The following TDRD7 variants were observed in gnomAD, a reference collection of about 807,000 sequenced individuals.
TDRD7 encodes tudor domain containing 7.
TDRD7 carries 47 observed loss-of-function variants against 109.8 expected under a neutral mutation model. That is an observed-to-expected ratio of 0.43 (90% confidence interval 0.34 to 0.55). TDRD7 has a LOEUF of 0.55. Among genes scored for constraint, TDRD7 ranks in the 20% least tolerant of loss-of-function variants. The pLI is 0.03. For synonymous variants in TDRD7, 424 were observed against 457.3 expected (o/e 0.93, Z 0.93); for missense variants, 1,164 against 1,319.2 (o/e 0.88, Z 1.82).
At chr9:97,423,112 A>G (rs1426833618) in intron 1 of TDRD7, among the ~76,000 whole-genome samples, 1 of 152,204 alleles carries the variant, frequency 6.6e-6, no homozygotes, top group African/African-American at 2.4e-5. Context: ...TGATTCTTCT[A>G]TAAATGTTTG....
chr9:97,435,655 T>G (rs1301514078), intron 4 of TDRD7, among the ~76,000 whole-genome samples: 1 of 151,870 alleles, frequency 6.6e-6, no homozygotes, highest in African/African-American at 2.4e-5. Context: ...GCTACATATT[T>G]TAATTAAAGA....
chr9:97,488,012 G>C (rs1305555061), intron 16 of TDRD7, among the ~76,000 whole-genome samples: 1 of 152,156 alleles, frequency 6.6e-6, no homozygotes, highest in Non-Finnish European at 1.5e-5. Flanking sequence ...ATTCACATCA[G>C]CCTCTTGATT....
At chr9:97,441,920 C>G (rs17332899) in intron 6 of TDRD7, 45 bp downstream of exon 6, 43,842 of 1,512,790 alleles carry the variant, frequency 0.029, 769 homozygotes, top group South Asian at 0.038. Flanking sequence ...CCTCCCTGCC[C>G]AACTTTGAGA....
intron 15 of TDRD7, among the ~76,000 whole-genome samples, chr9:97,486,094 T>A (rs970562455): frequency 3.9e-5 from 6 of 152,212 alleles, no homozygotes; most frequent in Non-Finnish European, 7.3e-5. Flanking sequence ...CCAGCCCCAG[T>A]CCAGCAGTGT....
intron 7 of TDRD7, among the ~76,000 whole-genome samples, chr9:97,462,104 G>A (rs1376734486): frequency 6.6e-6 from 1 of 152,134 alleles, no homozygotes; most frequent in Non-Finnish European, 1.5e-5. Flanking sequence ...TTTCACTATT[G>A]TATTGAAGTA....
intron 11 of TDRD7, among the ~76,000 whole-genome samples, chr9:97,474,567 G>A (rs1053404898): frequency 1.8e-4 from 28 of 152,100 alleles, no homozygotes; most frequent in African/African-American, 4.3e-4. Flanking sequence ...GCTTAAACCC[G>A]CATTCAAAGT....
At chr9:97,427,122 C>T (rs921806990) in intron 1 of TDRD7, among the ~76,000 whole-genome samples, 3 of 152,150 alleles carry the variant, frequency 2.0e-5, no homozygotes, top group African/African-American at 7.2e-5. Context: ...TAACAAATTG[C>T]CCATGGTTTG....
At chr9:97,464,783 C>T in intron 7 of TDRD7, 59 bp from the exon 8 acceptor site, 1 of 1,596,576 alleles carries the variant, frequency 6.3e-7, no homozygotes, top group Admixed American at 1.7e-5. Context: ...AAACGAATTC[C>T]TATTGCTTTT....
chr9:97,483,171 A>C lies in TDRD7; in HGVS notation c.2735A>C (p.Glu912Ala). Residue 912 changes from glutamate (E) to alanine (A), a missense_variant, in exon 15 of 17, where the codon GAA becomes GCA. Physicochemically the swap from Glu to Ala is moderately radical, Grantham distance 107. Transcript: ENST00000355295. ...PPPVHLSKPG[E>A]HMDVYVPVAC... Reference sequence around the variant, plus strand: ...CCTGTCCACTTATCAAAGCCAGGGGAACACATGGATGTGTATGTGCCTGTG... The same window carrying C: ...CCTGTCCACTTATCAAAGCCAGGGGCACACATGGATGTGTATGTGCCTGTG... The C allele has an allele frequency of 6.2e-7, 1 of 1,614,184 alleles. No homozygotes were observed.
intron 4 of TDRD7, 29 bp downstream of exon 4, chr9:97,432,267 G>C: frequency 6.3e-7 from 1 of 1,579,690 alleles, no homozygotes; most frequent in Non-Finnish European, 8.7e-7. Flanking sequence ...ACAGAAGTTT[G>C]GTGAATCTAG....
At chr9:97,421,761 A>C (rs924275344) in intron 1 of TDRD7, among the ~76,000 whole-genome samples, 4 of 147,938 alleles carry the variant, frequency 2.7e-5, no homozygotes, top group Non-Finnish European at 5.9e-5. Context: ...GAGTCTCACT[A>C]TGTTGCCCAG....
Position 97,487,185 on chromosome 9 carries a change from C to T in TDRD7, c.2929C>T (p.Leu977Phe). 6.2e-7 allele frequency: 1 copy of T among 1,613,830 alleles called. No individual in the cohort carries two copies. The highest frequency in any genetic ancestry group is 8.5e-7 in the Non-Finnish European group (1 of 1,179,858). ...AKVENKWHRV[L>F]LKGILTNGLV... The stretch of plus-strand genomic sequence containing the variant: ...ATGTACATCTAGGTGGCACAGGGTG[C>T]TTTTAAAAGGAATCCTGACCAATGG... Residue 977 changes from leucine to phenylalanine, a missense_variant, in exon 16 of 17, where the codon CTT becomes TTT. Transcript: ENST00000355295.
chr9:97,491,476 C>T (rs1203327429), intron 16 of TDRD7, among the ~76,000 whole-genome samples: 1 of 152,106 alleles, frequency 6.6e-6, no homozygotes, highest in Non-Finnish European at 1.5e-5. Flanking sequence ...GAAAGGTGGA[C>T]ATGATACATT....
chr9:97,422,884 A>G (rs1362480003), intron 1 of TDRD7, among the ~76,000 whole-genome samples: 2 of 152,142 alleles, frequency 1.3e-5, no homozygotes, highest in East Asian at 3.8e-4. Context: ...AATAAACTTT[A>G]ACTGGTTATT....
At chr9:97,460,026 A>G in intron 6 of TDRD7, 152 bp from the exon 7 acceptor site, 1 of 684,800 alleles carries the variant, frequency 1.5e-6, no homozygotes, top group Non-Finnish European at 2.6e-6. Flanking sequence ...GGTGGAGATA[A>G]TGCATTAAAG....
intron 5 of TDRD7, among the ~76,000 whole-genome samples, chr9:97,440,612 A>G (rs1390032091): frequency 6.6e-6 from 1 of 152,166 alleles, no homozygotes; most frequent in African/African-American, 2.4e-5. Flanking sequence ...CTGCCCTTTG[A>G]TGGAAGAGCA....
chr9:97,475,347 A>G, intron 11 of TDRD7, 36 bp from the exon 12 acceptor site: 10 of 1,496,338 alleles, frequency 6.7e-6, no homozygotes, highest in Non-Finnish European at 8.4e-6. Context: ...CTCTTTGCTA[A>G]GAGTAATAAG....
At chr9:97,450,210 T>C (rs1828467162) in intron 6 of TDRD7, among the ~76,000 whole-genome samples, 1 of 152,196 alleles carries the variant, frequency 6.6e-6, no homozygotes, top group Admixed American at 6.5e-5. Flanking sequence ...CAAGTCATGC[T>C]AGTTCCCAGT....
intron 6 of TDRD7, among the ~76,000 whole-genome samples, chr9:97,442,920 C>T (rs768456381): frequency 4.6e-5 from 7 of 152,092 alleles, no homozygotes; most frequent in South Asian, 2.1e-4. Context: ...CTCAGCCTTC[C>T]GAGTAAATGG....
Sources: gnomAD v4.1 joint callset for allele counts (sites outside exome capture counted in the v4.1 genomes callset) on GRCh38, gnomAD v4.1.1 for gene constraint, MANE v1.5 for transcripts, NCBI Gene and HGNC (gene_info 2026-07-23, HGNC 2026-07-21) for gene names.